The following ST7L variants were observed in gnomAD, a reference collection of about 807,000 sequenced individuals.
ST7L encodes suppression of tumorigenicity 7 like.
Under a neutral mutation model 72.5 loss-of-function variants are expected in ST7L, and 57 were observed. The ratio of observed to expected loss-of-function variants is 0.79; its 90% CI spans 0.64 to 0.98. ST7L has a LOEUF of 0.98. ST7L is among the 50% of genes least tolerant of loss of function. ST7L has a pLI of 0.00. For synonymous variants in ST7L, 221 were observed against 240.9 expected, an observed-to-expected ratio of 0.92 and a Z score of 0.77; for missense variants, 576 against 672.2, an observed-to-expected ratio of 0.86 and a Z score of 1.58.
At position 112,553,937 on chromosome 1, in the gene ST7L, C is replaced by T. The variant is rs7552706; in HGVS notation, c.1396+1931G>A. Among the ~76,000 whole-genome samples, 1,434 of 152,266 alleles carry T rather than the reference C, an allele frequency of 9.4e-3. 6 individuals carry two copies. Among genetic ancestry groups the T allele is most frequent in the Non-Finnish European group, 0.013 (873 of 68,022 alleles). ...AAGCTGGAATATAGTAGTGCCATCT[C>T]GGCTCACTAAAGCCTTGACCTTTTG... On this transcript the variant is annotated intron_variant, in intron 12 of 14. Coordinates refer to ENST00000358039, the MANE Select transcript of ST7L (RefSeq NM_017744.5).
At chr1:112,598,140 G>T in intron 4 of ST7L, 54 bp from the exon 5 acceptor site, 1 of 1,282,286 alleles carries the variant, frequency 7.8e-7, no homozygotes, top group Non-Finnish European at 1.1e-6. Flanking sequence ...GCATCTATCT[G>T]CTATAACAGA....
chr1:112,619,676 G>C (rs1670510659), upstream of ST7L: 2 of 592,648 alleles, frequency 3.4e-6, no homozygotes, highest in Non-Finnish European at 3.0e-6. Context: ...GGGCGCGGGC[G>C]CGGGCGCTGG....
chr1:112,556,997 A>AAAAAAAAAC (rs1557974323), intron 11 of ST7L, among the ~76,000 whole-genome samples: 8 of 142,732 alleles, frequency 5.6e-5, no homozygotes, highest in African/African-American at 2.3e-4. Flanking sequence ...AAAAAAAAAA[A>AAAAAAAAAC]ACACAAAGAA....
chr1:112,577,172 G>A, intron 10 of ST7L, 84 bp from the exon 11 acceptor site: 8 of 723,172 alleles, frequency 1.1e-5, no homozygotes, highest in South Asian at 6.6e-5. Flanking sequence ...ACAGCCCCTT[G>A]AATCAAAAGA....
intron 9 of ST7L, among the ~76,000 whole-genome samples, chr1:112,580,799 G>A (rs1201915002): frequency 6.6e-6 from 1 of 152,136 alleles, no homozygotes; most frequent in African/African-American, 2.4e-5. Context: ...ATGGTGGCAG[G>A]CACCTGTAGA....
intron 6 of ST7L, among the ~76,000 whole-genome samples, chr1:112,590,009 G>A (rs1665449981): frequency 6.6e-6 from 1 of 152,146 alleles, no homozygotes; most frequent in Admixed American, 6.6e-5. Context: ...TGTCCTTCCT[G>A]TTATCCCTTG....
chr1:112,571,464 G>A, intron 11 of ST7L: 1 of 280,002 alleles, frequency 3.6e-6, no homozygotes, highest in Non-Finnish European at 6.9e-6. Flanking sequence ...TTTCGCTCTT[G>A]TTGCCCAGGC....
At chr1:112,544,900 A>G (rs1186065324) in intron 13 of ST7L, among the ~76,000 whole-genome samples, 1 of 152,186 alleles carries the variant, frequency 6.6e-6, no homozygotes, top group Non-Finnish European at 1.5e-5. Flanking sequence ...ATAATGGATG[A>G]CTATTACAGA....
At chr1:112,533,900 G>A (rs1475931877) in intron 14 of ST7L, among the ~76,000 whole-genome samples, 5 of 150,718 alleles carry the variant, frequency 3.3e-5, no homozygotes, top group African/African-American at 7.3e-5. Context: ...GGCTGGTCTC[G>A]AACTCCTGGG....
intron 4 of ST7L, 60 bp downstream of exon 4, chr1:112,600,734 T>C: frequency 1.4e-6 from 2 of 1,426,696 alleles, no homozygotes; most frequent in Non-Finnish European, 2.0e-6. Flanking sequence ...ACAAATGATT[T>C]TGTAAATACC....
intron 11 of ST7L, among the ~76,000 whole-genome samples, chr1:112,560,621 T>TA (rs1169582079): frequency 6.6e-6 from 1 of 152,124 alleles, no homozygotes; most frequent in African/African-American, 2.4e-5. Flanking sequence ...ACCATATCCT[T>TA]AAAATTCTAC....
At chr1:112,569,139 G>T (rs1661626878) in intron 11 of ST7L, among the ~76,000 whole-genome samples, 1 of 152,000 alleles carries the variant, frequency 6.6e-6, no homozygotes, top group African/African-American at 2.4e-5. Context: ...AAATAATGCA[G>T]TTACTCTGCA....
intron 11 of ST7L, among the ~76,000 whole-genome samples, chr1:112,571,685 CA>C (rs1158631730): frequency 6.6e-6 from 1 of 152,208 alleles, no homozygotes; most frequent in Non-Finnish European, 1.5e-5. Context: ...TTCGGCCTCC[CA>C]AAGGGCTGGG....
At chr1:112,571,257 GT>G (rs1270013398) in intron 11 of ST7L, 1 of 454,580 alleles carries the variant, frequency 2.2e-6, no homozygotes. Flanking sequence ...AATAATATAA[GT>G]TTATAGCATC....
intron 1 of ST7L, among the ~76,000 whole-genome samples, chr1:112,617,538 C>T (rs78201379): frequency 4.0e-4 from 61 of 152,106 alleles, no homozygotes; most frequent in African/African-American, 1.4e-3. Flanking sequence ...TAAAATAGAC[C>T]CAGTCTCTAC....
intron 11 of ST7L, among the ~76,000 whole-genome samples, chr1:112,562,511 T>G (rs1458036072): frequency 6.6e-6 from 1 of 152,164 alleles, no homozygotes; most frequent in Non-Finnish European, 1.5e-5. Context: ...CCGTTATCTC[T>G]TCTTGGGAAA....
rs562392916 is a variant in ST7L at position 112,615,945 on chromosome 1, C to T, written c.288+868G>A. Among the ~76,000 whole-genome samples the T allele has an allele frequency of 2.6e-4, 39 of 152,168 alleles. 1 individual carries two copies. The South Asian group carries it at 7.9e-3, about 31-fold the overall frequency. On this transcript the variant is annotated intron_variant, in intron 2 of 14. Coordinates refer to ENST00000358039, the MANE Select transcript of ST7L (RefSeq NM_017744.5). ...GTAGACGGAGTTTCATCATGTTGGC[C>T]AGGCTGTTCTTGAACTCCTGGCCTC...
At chr1:112,594,216 A>G (rs1666094563) in intron 5 of ST7L, among the ~76,000 whole-genome samples, 1 of 151,778 alleles carries the variant, frequency 6.6e-6, no homozygotes, top group African/African-American at 2.4e-5. Flanking sequence ...CAGAAAAAAA[A>G]AAAAAAAAAA....
At chr1:112,611,225 A>C (rs1449725833) in intron 2 of ST7L, among the ~76,000 whole-genome samples, 1 of 152,256 alleles carries the variant, frequency 6.6e-6, no homozygotes, top group Non-Finnish European at 1.5e-5. Context: ...AAGCTTAAGC[A>C]AAACTAGGCA....
Sources: allele counts gnomAD v4.1 joint callset (sites outside exome capture counted in the v4.1 genomes callset), GRCh38; gene constraint gnomAD v4.1.1; transcripts MANE v1.5; gene names NCBI Gene and HGNC (gene_info 2026-07-23, HGNC 2026-07-21).